The following SLC7A1 variants were observed in gnomAD, a reference collection of about 807,000 sequenced individuals.
SLC7A1 encodes solute carrier family 7 member 1.
Under a neutral mutation model 53.9 loss-of-function variants are expected in SLC7A1, and 10 were observed. The ratio of observed to expected loss-of-function variants is 0.19; its 90% CI spans 0.11 to 0.31. The LOEUF is 0.31. SLC7A1 is among the 10% of genes least tolerant of loss of function. The pLI is 1.00. For synonymous variants in SLC7A1, 342 were observed against 338.7 expected, an observed-to-expected ratio of 1.01 and a Z score of -0.11; for missense variants, 525 against 827.2, an observed-to-expected ratio of 0.63 and a Z score of 4.48.
Position 29,523,303 on chromosome 13 carries a change from C to A in SLC7A1, c.1012G>T (p.Ala338Ser). ...GCGCAGAGGGAGCCCACGGCCACTG[C>A]GTACTTGGCACCTTCCCAGCCCACG... The part of the protein sequence containing the change: ...KHVGWEGAKY[A>S]VAVGSLCALS... Residue 338 changes from alanine (A) to serine (S), a missense_variant, in exon 7 of 13, where the codon GCA becomes TCA. Coordinates refer to ENST00000380752, the MANE Select transcript of SLC7A1 (RefSeq NM_003045.5). The A allele has an allele frequency of 6.8e-6, 11 of 1,613,708 alleles. No individual in the cohort carries two copies. Among genetic ancestry groups the A allele is most frequent in the South Asian group, 3.3e-5 (3 of 91,076 alleles).
chr13:29,572,125 C>A (rs1295376303), intron 1 of SLC7A1, among the ~76,000 whole-genome samples: 2 of 152,252 alleles, frequency 1.3e-5, no homozygotes, highest in Non-Finnish European at 2.9e-5. Context: ...CATGACACTG[C>A]CCCAAAACGC....
intron 1 of SLC7A1, among the ~76,000 whole-genome samples, chr13:29,569,435 T>C (rs1871103140): frequency 1.3e-5 from 2 of 152,182 alleles, no homozygotes; most frequent in Non-Finnish European, 2.9e-5. Context: ...GAGAATGCAC[T>C]CTGCTCCCTG....
rs542607701 is a variant in SLC7A1, at chr13:29,512,175, C to CA, written c.*2304dup. ...AGTGAACTATTATGCAAGGCACCCC[C>CA]ACGTGTCCTTTCCTAACCAGGAAGC... On this transcript the variant is annotated 3_prime_UTR_variant, in exon 13 of 13. Transcript: ENST00000380752. The CA allele has an allele frequency of 1.3e-5, 2 of 152,188 alleles. No individual in the cohort carries two copies. The highest frequency in any genetic ancestry group is 2.9e-5 in the Non-Finnish European group (2 of 68,042). 9.4% of individuals were successfully genotyped at this position (152,188 alleles called of 1,614,324 possible).
chr13:29,534,337 A>G (rs1003869786), intron 3 of SLC7A1, among the ~76,000 whole-genome samples: 2 of 152,250 alleles, frequency 1.3e-5, no homozygotes, highest in Non-Finnish European at 2.9e-5. Context: ...CAAGCATTTC[A>G]TGCTCAATGT....
At chr13:29,537,147 C>T (rs1869457429) in intron 2 of SLC7A1, among the ~76,000 whole-genome samples, 1 of 152,204 alleles carries the variant, frequency 6.6e-6, no homozygotes, top group African/African-American at 2.4e-5. Flanking sequence ...AAGAGACTTC[C>T]TTCCATAGAG....
At chr13:29,593,018 T>G (rs953563374) in intron 1 of SLC7A1, among the ~76,000 whole-genome samples, 6 of 152,070 alleles carry the variant, frequency 3.9e-5, no homozygotes, top group African/African-American at 1.4e-4. Flanking sequence ...GAGGAGCCAG[T>G]AAAGCTAGGT....
rs765687067 is a variant in SLC7A1 at position 29,523,339 on chromosome 13, C to T, written c.976G>A (p.Ala326Thr). The T allele has an allele frequency of 3.1e-6, 5 of 1,613,754 alleles. No homozygotes were observed. Among genetic ancestry groups the T allele is most frequent in the Middle Eastern group, 1.6e-4 (1 of 6,062 alleles). The stretch of plus-strand genomic sequence containing the variant: ...CCTTCCCAGCCCACGTGCTTAAAGG[C>T]GTCGGGCAGGGGGCTGTTATTGTCC... ...CLDNNSPLPD[A>T]FKHVGWEGAK... Residue 326 changes from alanine to threonine, a missense_variant, in exon 7 of 13, where the codon GCC becomes ACC. Ala to Thr is a moderately conservative substitution (Grantham distance 58, BLOSUM62 0). This residue lies in a region of SLC7A1 where 354 missense variants were observed against 587.5 expected (regional missense o/e 0.60). Transcript: ENST00000380752.
chr13:29,524,112 G>T lies in SLC7A1; in HGVS notation c.826+20C>A, dbSNP rs544103378. 107 of 1,611,712 alleles carry T rather than the reference G, an allele frequency of 6.6e-5. No individual in the cohort carries two copies. The highest frequency in any genetic ancestry group is 8.2e-5 in the Non-Finnish European group (97 of 1,179,222). ...CCAGGGTGCAGGAGGACCCGGGACC[G>T]CAGTGGCTGGCGGACATACCTGTGG... On this transcript the variant is annotated intron_variant, in intron 6 of 12. Coordinates refer to ENST00000380752, the MANE Select transcript of SLC7A1 (RefSeq NM_003045.5).
intron 12 of SLC7A1, 68 bp from the exon 13 acceptor site, chr13:29,514,651 GC>G: frequency 8.2e-7 from 1 of 1,225,584 alleles, no homozygotes. Flanking sequence ...AGGGCTCAGA[GC>G]CCAGGGCGGT....
At position 29,523,291 on chromosome 13, in the gene SLC7A1, C is replaced by G; in HGVS notation, c.1024G>C (p.Gly342Arg). The change falls in exon 7 of 13, where the codon GGC becomes CGC. Residue 342 changes from glycine (G) to arginine (R), a missense_variant. Physicochemically the swap from Gly to Arg is moderately radical, Grantham distance 125. Around this residue, in one of 4 missense-constraint regions of SLC7A1, gnomAD observed 354 missense variants for 587.5 expected, o/e 0.60. Coordinates refer to ENST00000380752, the MANE Select transcript of SLC7A1 (RefSeq NM_003045.5). ...WEGAKYAVAVGSLCALSASLL... is the reference protein window; with the variant it reads ...WEGAKYAVAVRSLCALSASLL... ...CTGGCGGAAAGAGCGCAGAGGGAGC[C>G]CACGGCCACTGCGTACTTGGCACCT... The G allele has an allele frequency of 6.2e-7, 1 of 1,613,510 alleles. No homozygotes were observed. Among genetic ancestry groups the G allele is most frequent in the Non-Finnish European group, 8.5e-7 (1 of 1,179,972 alleles).
chr13:29,554,812 C>T lies in SLC7A1; in HGVS notation c.-114-952G>A, dbSNP rs116600717. Among the ~76,000 whole-genome samples, 511 of 152,344 alleles carry T rather than the reference C, an allele frequency of 3.4e-3. 1 individual carries two copies. The highest frequency in any genetic ancestry group is 0.012 in the African/African-American group (490 of 41,580). On this transcript the variant is annotated intron_variant, in intron 1 of 12. Coordinates refer to ENST00000380752, the MANE Select transcript of SLC7A1 (RefSeq NM_003045.5). ...AATCTTATTCTATTCCCACCTACATCGTCTTTCATACATTGATAATTCATC... is the reference window on the plus strand; with the variant it reads ...AATCTTATTCTATTCCCACCTACATTGTCTTTCATACATTGATAATTCATC...
intron 2 of SLC7A1, among the ~76,000 whole-genome samples, chr13:29,537,980 A>C (rs1047387987): frequency 1.1e-4 from 16 of 152,328 alleles, no homozygotes; most frequent in African/African-American, 3.8e-4. Flanking sequence ...ACTGCAGCTC[A>C]GGGCCCCTCA....
chr13:29,517,147 A>G lies in SLC7A1; in HGVS notation c.1674T>C (p.Phe558=). 6.2e-7 allele frequency: 1 copy of G among 1,605,436 alleles called. No individual in the cohort carries two copies. The highest frequency in any genetic ancestry group is 8.5e-7 in the Non-Finnish European group (1 of 1,175,810). Residue 558 remains phenylalanine, a synonymous_variant, in exon 11 of 13, where the codon TTT becomes TTC. Coordinates refer to ENST00000380752, the MANE Select transcript of SLC7A1 (RefSeq NM_003045.5). ...TTCCCTAGGCCGAGCTGCTCACCTT[A>G]AATGAGAGCTTGGTCTTGCTCTCGG... is the stretch of plus-strand genomic sequence containing the variant. The part of the protein sequence containing the change: ...RQPESKTKLS[F]KVPFLPVLPI...
chr13:29,551,229 T>C (rs1301295418), intron 2 of SLC7A1, among the ~76,000 whole-genome samples: 1 of 152,178 alleles, frequency 6.6e-6, no homozygotes, highest in Non-Finnish European at 1.5e-5. Context: ...GATCGATCCA[T>C]GCAACAACCA....
At chr13:29,563,882 T>C (rs1027366720) in intron 1 of SLC7A1, among the ~76,000 whole-genome samples, 4 of 152,180 alleles carry the variant, frequency 2.6e-5, no homozygotes, top group African/African-American at 9.7e-5. Flanking sequence ...TTGGTGCTCC[T>C]GGGGGAAGGC....
chr13:29,586,977 T>G (rs78098963), intron 1 of SLC7A1, among the ~76,000 whole-genome samples: 3,504 of 152,358 alleles, frequency 0.023, 129 homozygotes, highest in African/African-American at 0.079. Flanking sequence ...GGTTGGGCGT[T>G]ACGTGGACTC....
At chr13:29,522,241 T>C in intron 8 of SLC7A1, 76 bp downstream of exon 8, 2 of 1,453,394 alleles carry the variant, frequency 1.4e-6, no homozygotes, top group Non-Finnish European at 1.9e-6. Flanking sequence ...AGACCAGAAC[T>C]GCGCAAGACG....
chr13:29,595,018 G>C (rs1872251217), intron 1 of SLC7A1, among the ~76,000 whole-genome samples: 1 of 151,954 alleles, frequency 6.6e-6, no homozygotes, highest in South Asian at 2.1e-4. Context: ...GGCTCCGTGT[G>C]CCTCCCAGTC....
At chr13:29,544,118 G>A (rs1417301125) in intron 2 of SLC7A1, among the ~76,000 whole-genome samples, 1 of 152,176 alleles carries the variant, frequency 6.6e-6, no homozygotes, top group Non-Finnish European at 1.5e-5. Flanking sequence ...CCCACAGGCC[G>A]AAAGTAGACA....
Sources: allele counts gnomAD v4.1 joint callset (sites outside exome capture counted in the v4.1 genomes callset), GRCh38; gene constraint gnomAD v4.1.1; regional missense constraint gnomAD v4.1.1; transcripts MANE v1.5; gene names NCBI Gene and HGNC (gene_info 2026-07-23, HGNC 2026-07-21).